EREG: variants seen among roughly 807,000 people sequenced by gnomAD.
The protein encoded by EREG is proepiregulin.
In EREG, 23 loss-of-function variants were observed where a neutral mutation model predicts 22.4. That is an observed-to-expected ratio of 1.03 (90% CI 0.74 to 1.46). The LOEUF (loss-of-function observed/expected upper bound fraction) is 1.46. EREG is among the 40% of genes most tolerant of loss of function. The pLI is 0.00. For synonymous variants in EREG, 100 were observed against 75.4 expected, an observed-to-expected ratio of 1.33 and a Z score of -1.69; for missense variants, 226 against 205.9, an observed-to-expected ratio of 1.10 and a Z score of -0.60.
intron 1 of EREG, among the ~76,000 whole-genome samples, chr4:74,371,139 T>C (rs1752282877): frequency 1.3e-5 from 2 of 152,264 alleles, no homozygotes; most frequent in Admixed American, 1.3e-4. Context: ...GGGATACAAT[T>C]TTGCCAACCT....
chr4:74,380,894 C>A, intron 2 of EREG, 120 bp from the exon 3 acceptor site: 3 of 1,068,366 alleles, frequency 2.8e-6, no homozygotes, highest in East Asian at 2.5e-5. Flanking sequence ...CAAAATTCTC[C>A]TTGACAGATT....
intron 1 of EREG, among the ~76,000 whole-genome samples, chr4:74,374,540 A>G (rs1235715827): frequency 1.3e-5 from 2 of 152,236 alleles, no homozygotes; most frequent in Non-Finnish European, 2.9e-5. Context: ...CTCGAAAAAC[A>G]AAATAAATAT....
At position 74,384,966 on chromosome 4, in the gene EREG, C is replaced by A; in HGVS notation, c.*158C>A. On this transcript the variant is annotated 3_prime_UTR_variant, in exon 5 of 5. Transcript: ENST00000244869. ...GTTTTTATTTTTGTTTTATTTTTGACAGACTATTTGCTAATGTATAATGTG... is the reference window on the plus strand; with the variant it reads ...GTTTTTATTTTTGTTTTATTTTTGAAAGACTATTTGCTAATGTATAATGTG... 1 of 513,772 alleles carries A rather than the reference C, an allele frequency of 1.9e-6. No individual in the cohort carries two copies. Among genetic ancestry groups the A allele is most frequent in the East Asian group, 3.0e-5 (1 of 33,418 alleles). 31.8% of individuals were successfully genotyped at this position (513,772 alleles called of 1,614,324 possible).
chr4:74,370,624 T>A (rs377532623), intron 1 of EREG, among the ~76,000 whole-genome samples: 148 of 151,576 alleles, frequency 9.8e-4, no homozygotes, highest in East Asian at 2.1e-3. Context: ...TGTGTGTGTG[T>A]GTGAGAGAGA....
intron 1 of EREG, among the ~76,000 whole-genome samples, chr4:74,367,836 C>G (rs72654895): frequency 0.016 from 2,383 of 152,262 alleles, 34 homozygotes; most frequent in Non-Finnish European, 0.026. Context: ...ATGTGAGCAG[C>G]TTGGGTAATT....
intron 1 of EREG, among the ~76,000 whole-genome samples, chr4:74,367,379 A>G (rs1752203951): frequency 6.6e-6 from 1 of 152,216 alleles, no homozygotes; most frequent in Non-Finnish European, 1.5e-5. Context: ...GAAATACCGG[A>G]TAACATTTTT....
intron 1 of EREG, among the ~76,000 whole-genome samples, chr4:74,377,036 A>G (rs962241860): frequency 2.0e-5 from 3 of 152,126 alleles, no homozygotes; most frequent in Admixed American, 1.3e-4. Context: ...TTACAGTACC[A>G]AATTACAGAG....
chr4:74,373,829 A>G lies in EREG; in HGVS notation c.68-5619A>G, dbSNP rs536562128. Among the ~76,000 whole-genome samples, 12 of 152,122 alleles carry G rather than the reference A, an allele frequency of 7.9e-5. No homozygotes were observed. The South Asian group carries it at 2.5e-3, about 32-fold the overall frequency. On this transcript the variant is annotated intron_variant, in intron 1 of 4. Coordinates refer to ENST00000244869, the MANE Select transcript of EREG (RefSeq NM_001432.3). Reference sequence around the variant, plus strand: ...ACTAGAAGGTGCTGACAGTCTTTTCAGTATCTGATGTGATAATGAGTTTTA... The same window carrying G: ...ACTAGAAGGTGCTGACAGTCTTTTCGGTATCTGATGTGATAATGAGTTTTA...
At chr4:74,380,659 C>T (rs1323372462) in intron 2 of EREG, among the ~76,000 whole-genome samples, 1 of 152,168 alleles carries the variant, frequency 6.6e-6, no homozygotes, top group African/African-American at 2.4e-5. Context: ...TGTTTTGGGA[C>T]TTGAGAAAAA....
chr4:74,385,913 G>GA lies in EREG; in HGVS notation c.*1111dup, dbSNP rs887753360. Reference sequence around the variant, plus strand: ...AGTTGTATCTTGACACAGGAAATGGGAAAAAACTTAAAAATTAATATGGTG... The same window carrying GA: ...AGTTGTATCTTGACACAGGAAATGGGAAAAAAACTTAAAAATTAATATGGTG... On this transcript the variant is annotated 3_prime_UTR_variant, in exon 5 of 5. Coordinates refer to ENST00000244869, the MANE Select transcript of EREG (RefSeq NM_001432.3). The GA allele has an allele frequency of 1.8e-5, 7 of 395,808 alleles. No individual in the cohort carries two copies. The highest frequency in any genetic ancestry group is 3.6e-5 in the East Asian group (1 of 27,884). The allele number at this position is 395,808 out of a possible 1,614,324, so 24.5% of individuals were successfully genotyped here. A position where few individuals can be genotyped will look rare whatever the true frequency, so the allele number is the denominator to read the frequency against.
At chr4:74,382,910 A>G in intron 4 of EREG, 116 bp downstream of exon 4, 1 of 745,566 alleles carries the variant, frequency 1.3e-6, no homozygotes. Flanking sequence ...AACCTGTACA[A>G]ATGATATTTA....
chr4:74,374,318 C>T (rs1411430240), intron 1 of EREG, among the ~76,000 whole-genome samples: 2 of 152,192 alleles, frequency 1.3e-5, no homozygotes, highest in African/African-American at 4.8e-5. Context: ...CATCCAGTCA[C>T]CAAATCCTAG....
intron 1 of EREG, among the ~76,000 whole-genome samples, chr4:74,371,857 G>GTT (rs529816323): frequency 0.056 from 7,961 of 142,460 alleles, 320 homozygotes; most frequent in African/African-American, 0.1. Flanking sequence ...AGCATTCTCT[G>GTT]TTTTTTTTTT....
At chr4:74,382,476 C>A (rs1253592200) in intron 3 of EREG, 169 bp from the exon 4 acceptor site, 9 of 537,064 alleles carry the variant, frequency 1.7e-5, no homozygotes, top group Non-Finnish European at 3.0e-5. Context: ...ACGTGGAGCC[C>A]TTTTATCATT....
intron 1 of EREG, 41 bp from the exon 2 acceptor site, chr4:74,379,405 CCT>C (rs1346280255): frequency 8.4e-7 from 1 of 1,184,560 alleles, no homozygotes; most frequent in African/African-American, 1.5e-5. Flanking sequence ...AGATTTCTTT[CCT>C]TAACACATTA....
chr4:74,367,610 A>G (rs1206058363), intron 1 of EREG, among the ~76,000 whole-genome samples: 1 of 152,224 alleles, frequency 6.6e-6, no homozygotes, highest in Non-Finnish European at 1.5e-5. Flanking sequence ...GAGAGAATTA[A>G]GCAGAAGAAA....
At chr4:74,370,663 G>A (rs1752275000) in intron 1 of EREG, among the ~76,000 whole-genome samples, 1 of 152,068 alleles carries the variant, frequency 6.6e-6, no homozygotes, top group Admixed American at 6.6e-5. Context: ...CAGAAAGAGA[G>A]GAAGAGAGGA....
rs951036691 is a variant in EREG, at chr4:74,386,632, A to G, written c.*1824A>G. 6.6e-6 allele frequency: 1 copy of G among 152,204 alleles called. No individual in the cohort carries two copies. Among genetic ancestry groups the G allele is most frequent in the African/African-American group, 2.4e-5 (1 of 41,438 alleles). 9.4% of individuals were successfully genotyped at this position (152,204 alleles called of 1,614,324 possible). On this transcript the variant is annotated 3_prime_UTR_variant, in exon 5 of 5. Coordinates refer to ENST00000244869, the MANE Select transcript of EREG (RefSeq NM_001432.3). ...CAGTTATTTCTGTTTCCTATTTAAT[A>G]CAGCTGAAGTCAAAATATGTAAGAA...
In EREG at chr4:74,387,515, A is replaced by G. The variant is rs1046642608; in HGVS notation, c.*2707A>G. 1 of 152,246 alleles carries G rather than the reference A, an allele frequency of 6.6e-6. No homozygotes were observed. Among genetic ancestry groups the G allele is most frequent in the Non-Finnish European group, 1.5e-5 (1 of 68,042 alleles). 9.4% of individuals were successfully genotyped at this position (152,246 alleles called of 1,614,324 possible). On this transcript the variant is annotated 3_prime_UTR_variant, in exon 5 of 5. Transcript: ENST00000244869. ...AAAAAAGCTAATCCCTAAAATAGTT[A>G]GATCTTTGTAAATGCATATTAAATA...
Sources: allele counts gnomAD v4.1 joint callset (sites outside exome capture counted in the v4.1 genomes callset), GRCh38; gene constraint gnomAD v4.1.1; transcripts MANE v1.5; gene names NCBI Gene and HGNC (gene_info 2026-07-23, HGNC 2026-07-21).